The following KRT80 variants were observed in gnomAD, a reference collection of about 807,000 sequenced individuals.
KRT80 encodes the protein keratin 80, also known as keratin, type II cytoskeletal 80.
A neutral mutation model predicts 51.5 loss-of-function variants in KRT80; 36 were observed. The ratio of observed to expected loss-of-function variants is 0.70; its 90% CI spans 0.54 to 0.92. The LOEUF is 0.92. Among genes scored for constraint, KRT80 ranks in the 40% least tolerant of loss-of-function variants. The pLI is 0.00. For missense variants in KRT80, 566 were observed against 591.7 expected (o/e 0.96, Z 0.45); for synonymous variants, 235 against 248.3 (o/e 0.95, Z 0.50).
chr12:52,177,385 C>T (rs1303356391), intron 4 of KRT80, among the ~76,000 whole-genome samples: 1 of 152,060 alleles, frequency 6.6e-6, no homozygotes, highest in Non-Finnish European at 1.5e-5. Context: ...AGGGGGTTGT[C>T]AGCAGATTCC....
chr12:52,181,671 G>A (rs1308666511), intron 2 of KRT80, among the ~76,000 whole-genome samples: 3 of 152,176 alleles, frequency 2.0e-5, no homozygotes, highest in Admixed American at 1.3e-4. Context: ...GCTCAATAAC[G>A]CTCTTCTCAG....
intron 1 of KRT80, among the ~76,000 whole-genome samples, chr12:52,187,199 C>T (rs950346281): frequency 1.3e-5 from 2 of 152,240 alleles, no homozygotes; most frequent in Admixed American, 1.3e-4. Context: ...TTTTGATAAC[C>T]AGCCCAGTGA....
At chr12:52,182,489 C>T (rs912460974) in intron 2 of KRT80, among the ~76,000 whole-genome samples, 15 of 152,302 alleles carry the variant, frequency 9.8e-5, no homozygotes, top group African/African-American at 3.6e-4. Flanking sequence ...TCCTGTGTGC[C>T]TCAGCCACGA....
At chr12:52,181,538 C>G (rs537428182) in intron 2 of KRT80, among the ~76,000 whole-genome samples, 23 of 152,204 alleles carry the variant, frequency 1.5e-4, no homozygotes, top group Non-Finnish European at 4.4e-5. Flanking sequence ...TTGCATCACC[C>G]CTCCTCTCTT....
intron 4 of KRT80, among the ~76,000 whole-genome samples, chr12:52,179,817 T>C (rs1249561184): frequency 6.6e-6 from 1 of 152,158 alleles, no homozygotes; most frequent in African/African-American, 2.4e-5. Context: ...TGGAAGGGAC[T>C]TTAGCTCAGG....
chr12:52,184,985 C>G (rs1658332703), intron 2 of KRT80, among the ~76,000 whole-genome samples: 1 of 152,248 alleles, frequency 6.6e-6, no homozygotes, highest in African/African-American at 2.4e-5. Flanking sequence ...AGAAACCCAT[C>G]TGTTCTAGCT....
Position 52,185,436 on chromosome 12 carries a change from C to T in KRT80, c.452G>A (p.Gly151Glu). The change falls in exon 2 of 9, where the codon GGG becomes GAG. Residue 151 changes from glycine to glutamate, a missense_variant. Transcript: ENST00000394815. Reference sequence around the variant, plus strand: ...CTGCAGCAGGTTGGCCTCCAGCTGCCCCCGCTCCTGGCTCACTTTGCGCAG... The same window carrying T: ...CTGCAGCAGGTTGGCCTCCAGCTGCTCCCGCTCCTGGCTCACTTTGCGCAG... ...EELRKVSQERGQLEANLLQVL... is the reference protein window; with the variant it reads ...EELRKVSQEREQLEANLLQVL... 1.2e-6 allele frequency: 2 copies of T among 1,614,076 alleles called. No individual in the cohort carries two copies. The highest frequency in any genetic ancestry group is 1.1e-5 in the South Asian group (1 of 91,082).
At chr12:52,180,996 A>G (rs4762060) in intron 2 of KRT80, 33 bp from the exon 3 acceptor site, 1,031,607 of 1,493,630 alleles carry the variant, frequency 0.69, 358,331 homozygotes, top group African/African-American at 0.82. Context: ...TCAGCTGGAT[A>G]TGGTGGGGGC....
chr12:52,191,731 C>T lies in KRT80; in HGVS notation c.172G>A (p.Val58Met). 1 of 1,613,768 alleles carries T rather than the reference C, an allele frequency of 6.2e-7. No individual in the cohort carries two copies. Among genetic ancestry groups the T allele is most frequent in the Non-Finnish European group, 8.5e-7 (1 of 1,179,928 alleles). The change falls in exon 1 of 9, where the codon GTG becomes ATG. Residue 58 changes from valine to methionine, a missense_variant. Transcript: ENST00000394815. ...GCWSAGTISK[V>M]TVNPGLLVPL... ...ACCAGCAGGCCGGGGTTCACAGTCA[C>T]CTTGGAGATAGTGCCAGCCGACCAG...
chr12:52,174,596 C>A (rs1028938289), intron 4 of KRT80, among the ~76,000 whole-genome samples: 3 of 152,286 alleles, frequency 2.0e-5, no homozygotes, highest in African/African-American at 4.8e-5. Context: ...GCGTTTTCCA[C>A]ACATCCTCAC....
intron 1 of KRT80, among the ~76,000 whole-genome samples, chr12:52,190,446 A>C (rs1050449739): frequency 2.0e-5 from 3 of 152,242 alleles, no homozygotes; most frequent in Non-Finnish European, 2.9e-5. Flanking sequence ...GCATAAGTAG[A>C]TGCTCAATGC....
chr12:52,183,066 C>T (rs1019198925), intron 2 of KRT80, among the ~76,000 whole-genome samples: 4 of 152,358 alleles, frequency 2.6e-5, no homozygotes, highest in South Asian at 4.1e-4. Flanking sequence ...ACTTGTGCAG[C>T]GCACAGTTTG....
In KRT80 at chr12:52,171,505, G is replaced by C; in HGVS notation, c.1252C>G (p.Leu418Val). The change falls in exon 9 of 9, where the codon CTC becomes GTC. Residue 418 changes from leucine to valine, a missense_variant. Physicochemically the swap from Leu to Val is conservative, Grantham distance 32. Coordinates refer to ENST00000394815, the MANE Select transcript of KRT80 (RefSeq NM_182507.3). ...TTCTTTCGGGAGGGGGCCTTGGAGA[G>C]GCCTGATCTGGAGGCAGCTACAGGG... ...RCKTAASRSGLSKAPSRKKKG... is the reference protein window; with the variant it reads ...RCKTAASRSGVSKAPSRKKKG... The C allele has an allele frequency of 1.2e-6, 2 of 1,613,526 alleles. No individual in the cohort carries two copies. The highest frequency in any genetic ancestry group is 1.7e-6 in the Non-Finnish European group (2 of 1,179,672).
At chr12:52,177,285 C>T (rs1221227876) in intron 4 of KRT80, among the ~76,000 whole-genome samples, 1 of 152,144 alleles carries the variant, frequency 6.6e-6, no homozygotes. Flanking sequence ...GGCAGAGCAG[C>T]CTATTCTCGG....
chr12:52,187,772 G>T (rs546908993), intron 1 of KRT80, among the ~76,000 whole-genome samples: 71 of 152,106 alleles, frequency 4.7e-4, no homozygotes, highest in Non-Finnish European at 7.6e-4. Flanking sequence ...GGGAGCGTTG[G>T]GGGGGCAGGT....
intron 6 of KRT80, 141 bp from the exon 7 acceptor site, chr12:52,172,559 G>A (rs969832161): frequency 1.4e-5 from 10 of 738,644 alleles, no homozygotes; most frequent in Non-Finnish European, 2.0e-5. Flanking sequence ...TGTGGTAACT[G>A]GTTGCCATGC....
rs892122817 is a variant in KRT80, at chr12:52,185,568, C to T, written c.320G>A (p.Arg107His). 40 of 1,609,860 alleles carry T rather than the reference C, an allele frequency of 2.5e-5. No individual in the cohort carries two copies. In the Middle Eastern group the frequency reaches 8.2e-4, roughly 33 times the overall value. ...LIGKVQALEQRNQLLETRWSF... is the reference protein window; with the variant it reads ...LIGKVQALEQHNQLLETRWSF... ...CCAGCGTGTCTCCAGCAGCTGGTTG[C>T]GCTGTTCCAGGGCTTGCACCTGGGA... Residue 107 changes from arginine to histidine, a missense_variant, in exon 2 of 9, where the codon CGC becomes CAC. Transcript: ENST00000394815.
At chr12:52,188,553 AG>A (rs1451874510) in intron 1 of KRT80, among the ~76,000 whole-genome samples, 1 of 152,228 alleles carries the variant, frequency 6.6e-6, no homozygotes, top group Non-Finnish European at 1.5e-5. Context: ...CATTGGCTTT[AG>A]CCAGGGAGCC....
intron 2 of KRT80, among the ~76,000 whole-genome samples, chr12:52,184,736 G>A (rs993945490): frequency 1.2e-4 from 19 of 152,296 alleles, no homozygotes; most frequent in African/African-American, 3.9e-4. Flanking sequence ...TAAATGCTGG[G>A]ATATACTGCC....
Sources: allele counts gnomAD v4.1 joint callset (sites outside exome capture counted in the v4.1 genomes callset), GRCh38; gene constraint gnomAD v4.1.1; transcripts MANE v1.5; gene names NCBI Gene and HGNC (gene_info 2026-07-23, HGNC 2026-07-21).